Variants in SIPA1L2 observed in about 807,000 individuals in gnomAD.
SIPA1L2 encodes the protein signal-induced proliferation-associated 1-like protein 2.
Under a neutral mutation model 163.9 loss-of-function variants are expected in SIPA1L2, and 56 were observed. That is an observed-to-expected ratio of 0.34 (90% CI 0.28 to 0.43). The LOEUF (loss-of-function observed/expected upper bound fraction) is 0.43, where lower values mean the gene tolerates loss of function less well. Ranked by LOEUF, SIPA1L2 falls within the 20% of genes least tolerant of loss-of-function variation. The pLI is 1.00. For missense variants in SIPA1L2, 1,974 were observed against 2,193.5 expected (o/e 0.90, Z 2.00); for synonymous variants, 877 against 865.7 (o/e 1.01, Z -0.23).
At chr1:232,573,643 C>T (rs1027853253) in intron 2 of SIPA1L2, among the ~76,000 whole-genome samples, 1 of 152,112 alleles carries the variant, frequency 6.6e-6, no homozygotes, top group Non-Finnish European at 1.5e-5. Context: ...GCACCTCTGC[C>T]TTTATTCTGC....
chr1:232,610,185 T>C (rs1002905946), intron 1 of SIPA1L2, among the ~76,000 whole-genome samples: 25 of 152,226 alleles, frequency 1.6e-4, no homozygotes, highest in African/African-American at 5.1e-4. Flanking sequence ...TTGTACTGTA[T>C]ATCTCTTCAT....
chr1:232,431,101 C>T (rs1662210210), intron 16 of SIPA1L2, among the ~76,000 whole-genome samples: 1 of 152,166 alleles, frequency 6.6e-6, no homozygotes. Context: ...CAAAAGAGTC[C>T]TTCGCCTAAA....
intron 2 of SIPA1L2, among the ~76,000 whole-genome samples, chr1:232,572,736 T>TATATATATATACAC (rs1558277477): frequency 3.3e-5 from 3 of 91,450 alleles, no homozygotes; most frequent in Admixed American, 1.3e-4. Flanking sequence ...TATACATACA[T>TATATATATATACAC]ACATATATAT....
At chr1:232,401,126 T>G (rs1319167695) in intron 22 of SIPA1L2, among the ~76,000 whole-genome samples, 3 of 152,150 alleles carry the variant, frequency 2.0e-5, no homozygotes, top group Non-Finnish European at 2.9e-5. Context: ...TCTCTCTCTC[T>G]CGTCTTGATT....
chr1:232,526,655 A>T (rs1311711836), intron 2 of SIPA1L2, among the ~76,000 whole-genome samples: 1 of 151,908 alleles, frequency 6.6e-6, no homozygotes, highest in Non-Finnish European at 1.5e-5. Context: ...AGTTCTTCCA[A>T]CTCCAGAATC....
chr1:232,523,680 TCC>T (rs1396122543), intron 2 of SIPA1L2, among the ~76,000 whole-genome samples: 4 of 152,090 alleles, frequency 2.6e-5, no homozygotes, highest in African/African-American at 4.8e-5. Context: ...AAAAATACAA[TCC>T]TTCCGGAAAA....
At chr1:232,598,534 A>G (rs1249519758) in intron 1 of SIPA1L2, among the ~76,000 whole-genome samples, 2 of 152,232 alleles carry the variant, frequency 1.3e-5, no homozygotes, top group African/African-American at 2.4e-5. Flanking sequence ...TCAAGCTGCT[A>G]TAACAAAAAT....
chr1:232,549,618 T>C (rs1036449471), intron 2 of SIPA1L2, among the ~76,000 whole-genome samples: 7 of 152,138 alleles, frequency 4.6e-5, no homozygotes, highest in African/African-American at 1.7e-4. Flanking sequence ...TTTTCCCTAA[T>C]GATTGTAAAT....
At chr1:232,497,244 T>C (rs182662703) in intron 3 of SIPA1L2, among the ~76,000 whole-genome samples, 1 of 152,204 alleles carries the variant, frequency 6.6e-6, no homozygotes, top group Non-Finnish European at 1.5e-5. Context: ...ATTGTGGCAA[T>C]GGTAACACCA....
intron 4 of SIPA1L2, among the ~76,000 whole-genome samples, chr1:232,493,325 C>T (rs1666026420): frequency 6.6e-6 from 1 of 152,154 alleles, no homozygotes; most frequent in East Asian, 1.9e-4. Context: ...TGAACTAATA[C>T]AGCCACTTAA....
chr1:232,427,263 C>A (rs959797404), intron 17 of SIPA1L2, among the ~76,000 whole-genome samples: 2 of 152,126 alleles, frequency 1.3e-5, no homozygotes, highest in African/African-American at 4.8e-5. Context: ...TATGGGATTC[C>A]CTCCTCACAC....
At chr1:232,535,390 T>C (rs748756776) in intron 2 of SIPA1L2, among the ~76,000 whole-genome samples, 2 of 152,186 alleles carry the variant, frequency 1.3e-5, no homozygotes, top group African/African-American at 2.4e-5. Flanking sequence ...CCTGGTTTGA[T>C]TGTAAAATGT....
intron 18 of SIPA1L2, among the ~76,000 whole-genome samples, chr1:232,418,468 C>T (rs1377410783): frequency 6.6e-6 from 1 of 152,214 alleles, no homozygotes; most frequent in Non-Finnish European, 1.5e-5. Context: ...ATAATTTTGC[C>T]AAGGCACAAA....
intron 1 of SIPA1L2, among the ~76,000 whole-genome samples, chr1:232,620,135 A>T (rs1020050434): frequency 6.6e-6 from 1 of 152,160 alleles, no homozygotes; most frequent in African/African-American, 2.4e-5. Flanking sequence ...CGCCCGCCTC[A>T]GCCTCCCAAA....
At chr1:232,534,825 G>A (rs369053281) in intron 2 of SIPA1L2, among the ~76,000 whole-genome samples, 2 of 152,074 alleles carry the variant, frequency 1.3e-5, no homozygotes, top group Non-Finnish European at 2.9e-5. Flanking sequence ...GAATCCTCCC[G>A]TTAACACTGC....
At chr1:232,524,663 C>A (rs543960723) in intron 2 of SIPA1L2, among the ~76,000 whole-genome samples, 7 of 152,208 alleles carry the variant, frequency 4.6e-5, no homozygotes, top group African/African-American at 1.7e-4. Flanking sequence ...AAATAAATAA[C>A]TACACAATCC....
At chr1:232,541,496 A>C (rs1381817019) in intron 2 of SIPA1L2, among the ~76,000 whole-genome samples, 8 of 152,210 alleles carry the variant, frequency 5.3e-5, no homozygotes, top group African/African-American at 1.7e-4. Flanking sequence ...TTGATGAACC[A>C]GATAGATAAT....
In SIPA1L2 at chr1:232,464,906, T is replaced by C. The variant is rs1365872833; in HGVS notation, c.2754A>G (p.Glu918=). 16 of 1,614,044 alleles carry C rather than the reference T, an allele frequency of 9.9e-6. No homozygotes were observed. Among genetic ancestry groups the C allele is most frequent in the Admixed American group, 1.7e-5 (1 of 60,006 alleles). Reference sequence around the variant, plus strand: ...TGTCTACCGAGGACAGGAGGACACATTCTCCTCTTTCGTAAAACACTTTGA... The same window carrying C: ...TGTCTACCGAGGACAGGAGGACACACTCTCCTCTTTCGTAAAACACTTTGA... The part of the protein sequence containing the change: ...VSIKVFYERG[E]CVLLSSVDNC... Residue 918 remains glutamate, a synonymous_variant, in exon 9 of 23, where the codon GAA becomes GAG. Transcript: ENST00000674635.
intron 1 of SIPA1L2, among the ~76,000 whole-genome samples, chr1:232,617,983 A>G (rs948978568): frequency 6.6e-6 from 1 of 152,238 alleles, no homozygotes; most frequent in Non-Finnish European, 1.5e-5. Context: ...TAGAAGACGG[A>G]GAGACATCTA....
Sources: gnomAD v4.1 joint callset for allele counts (sites outside exome capture counted in the v4.1 genomes callset) on GRCh38, gnomAD v4.1.1 for gene constraint, MANE v1.5 for transcripts, NCBI Gene and HGNC (gene_info 2026-07-23, HGNC 2026-07-21) for gene names.